The following CRYBG1 variants were observed in gnomAD, a reference collection of about 807,000 sequenced individuals.
The protein encoded by CRYBG1 is beta/gamma crystallin domain-containing protein 1.
A neutral mutation model predicts 189.2 loss-of-function variants in CRYBG1; 139 were observed. That is an observed-to-expected ratio of 0.73 (90% CI 0.64 to 0.85). The LOEUF (loss-of-function observed/expected upper bound fraction) is 0.85. Ranked by LOEUF, CRYBG1 falls within the 40% of genes least tolerant of loss-of-function variation. CRYBG1 has a pLI of 0.00. For missense variants in CRYBG1, 2,611 were observed against 2,675.8 expected, an observed-to-expected ratio of 0.98 and a Z score of 0.53; for synonymous variants, 1,023 against 1,017.1, an observed-to-expected ratio of 1.01 and a Z score of -0.11.
At chr6:106,550,034 A>G (rs1774360787) in intron 13 of CRYBG1, among the ~76,000 whole-genome samples, 1 of 152,192 alleles carries the variant, frequency 6.6e-6, no homozygotes, top group Non-Finnish European at 1.5e-5. Context: ...TCTGGCCAAT[A>G]GTCGATTGTG....
intron 1 of CRYBG1, among the ~76,000 whole-genome samples, chr6:106,404,580 G>C (rs1023506944): frequency 6.6e-6 from 1 of 152,052 alleles, no homozygotes; most frequent in African/African-American, 2.4e-5. Flanking sequence ...TTAGAAATGT[G>C]GGGGGCTGGC....
chr6:106,543,655 A>T, intron 11 of CRYBG1, 58 bp downstream of exon 11: 1 of 1,550,482 alleles, frequency 6.4e-7, no homozygotes, highest in Non-Finnish European at 8.8e-7. Context: ...TAAGTAATAA[A>T]TGTGCCCTTT....
chr6:106,559,093 G>T (rs1774634863), intron 18 of CRYBG1, among the ~76,000 whole-genome samples: 1 of 152,194 alleles, frequency 6.6e-6, no homozygotes, highest in South Asian at 2.1e-4. Flanking sequence ...ACTGGGAAAA[G>T]TCATATGTAA....
At chr6:106,493,725 A>G (rs555424027) in intron 2 of CRYBG1, among the ~76,000 whole-genome samples, 22 of 152,224 alleles carry the variant, frequency 1.4e-4, no homozygotes, top group African/African-American at 4.6e-4. Flanking sequence ...AAAACCAAAC[A>G]CCGCATGTTC....
intron 16 of CRYBG1, among the ~76,000 whole-genome samples, chr6:106,554,129 G>T (rs969819002): frequency 6.6e-6 from 1 of 152,188 alleles, no homozygotes; most frequent in African/African-American, 2.4e-5. Context: ...TTCATGGAGA[G>T]GGGAGAGCCC....
At chr6:106,485,169 C>A (rs772549007) in intron 2 of CRYBG1, among the ~76,000 whole-genome samples, 11 of 152,242 alleles carry the variant, frequency 7.2e-5, no homozygotes, top group Non-Finnish European at 1.5e-4. Flanking sequence ...TCTTCAATTT[C>A]TTTAATCAAA....
rs968595085 is a variant in CRYBG1 at position 106,495,536 on chromosome 6, G to T, written c.313-15894G>T. On this transcript the variant is annotated intron_variant, in intron 2 of 21. Transcript: ENST00000633556. Reference sequence around the variant, plus strand: ...TATTGTCTAGATCTGGTAGTTTTGGGGGGGCTCAAAAATCTGAAGCATTTG... The same window carrying T: ...TATTGTCTAGATCTGGTAGTTTTGGTGGGGCTCAAAAATCTGAAGCATTTG... 6.6e-5 allele frequency among the ~76,000 whole-genome samples: 10 copies of T among 150,622 alleles called. No individual in the cohort carries two copies. In the Admixed American group the frequency reaches 6.6e-4, roughly 10 times the overall value.
At chr6:106,379,130 T>G (rs574025146) in intron 1 of CRYBG1, among the ~76,000 whole-genome samples, 1 of 152,180 alleles carries the variant, frequency 6.6e-6, no homozygotes, top group East Asian at 1.9e-4. Flanking sequence ...GCCTGGGCGA[T>G]AGAGCCAGAC....
intron 2 of CRYBG1, among the ~76,000 whole-genome samples, chr6:106,471,989 T>C (rs1772242641): frequency 1.3e-5 from 2 of 152,188 alleles, no homozygotes; most frequent in African/African-American, 4.8e-5. Flanking sequence ...ACTTCACTGA[T>C]TGAGATATAT....
rs1347357567 is a variant in CRYBG1 at position 106,511,712 on chromosome 6, G to A, written c.595G>A (p.Glu199Lys). Residue 199 changes from glutamate (E) to lysine (K), a missense_variant, in exon 3 of 22, where the codon GAG becomes AAG. Physicochemically the swap from Glu to Lys is moderately conservative, Grantham distance 56. Coordinates refer to ENST00000633556, the MANE Select transcript of CRYBG1 (RefSeq NM_001371242.2). ...CCGAGAGGCAGAGGGCGAGCTCCCC[G>A]AGAGCGGTGGCCCCGCAGCCCCCCC... ...NPREAEGELP[E>K]SGGPAAPPDA... is the part of the protein sequence containing the mutation. The A allele has an allele frequency of 2.6e-6, 4 of 1,535,578 alleles. No homozygotes were observed. The highest frequency in any genetic ancestry group is 3.5e-6 in the Non-Finnish European group (4 of 1,146,654).
intron 3 of CRYBG1, among the ~76,000 whole-genome samples, chr6:106,516,692 G>A (rs1773430758): frequency 6.6e-6 from 1 of 152,190 alleles, no homozygotes; most frequent in Non-Finnish European, 1.5e-5. Flanking sequence ...AAGATGGAAA[G>A]AACCAGAGGA....
intron 17 of CRYBG1, among the ~76,000 whole-genome samples, chr6:106,558,239 TTCC>T (rs1260451874): frequency 3.4e-5 from 1 of 29,120 alleles, no homozygotes; most frequent in South Asian, 3.5e-3. Context: ...TCTTTTTTTT[TTCC>T]CCCTGTTTTA....
intron 1 of CRYBG1, among the ~76,000 whole-genome samples, chr6:106,447,166 T>C (rs1372940236): frequency 6.6e-6 from 1 of 152,206 alleles, no homozygotes; most frequent in Non-Finnish European, 1.5e-5. Flanking sequence ...TTTATGTTAT[T>C]TACCCAAGAG....
chr6:106,495,529 G>GT (rs1350029809), intron 2 of CRYBG1, among the ~76,000 whole-genome samples: 1 of 150,098 alleles, frequency 6.7e-6, no homozygotes. Flanking sequence ...AGATCTGGTA[G>GT]TTTTGGGGGG....
Position 106,489,778 on chromosome 6 carries a change from C to T in CRYBG1, c.313-21652C>T, listed in dbSNP as rs546859168. ...ACTGCACTCCAGCCTGGGTGACAGACTCTGTGTCCAAAAAAAAAAAAAAAA... is the reference window on the plus strand; with the variant it reads ...ACTGCACTCCAGCCTGGGTGACAGATTCTGTGTCCAAAAAAAAAAAAAAAA... On this transcript the variant is annotated intron_variant, in intron 2 of 21. Transcript: ENST00000633556. Among the ~76,000 whole-genome samples, 302 of 95,792 alleles carry T rather than the reference C, an allele frequency of 3.2e-3. 4 individuals carry two copies. Among genetic ancestry groups the T allele is most frequent in the African/African-American group, 0.015 (281 of 19,232 alleles). 62.8% of individuals were successfully genotyped at this position (95,792 alleles called of 152,430 possible). A position where few individuals can be genotyped will look rare whatever the true frequency, so the allele number is the denominator to read the frequency against.
In CRYBG1 at chr6:106,525,164, A is replaced by G. The variant is rs1453487239; in HGVS notation, c.4277A>G (p.Asn1426Ser). ...TLRGSVQNKLNPRPGKVVIYS... is the reference protein window; with the variant it reads ...TLRGSVQNKLSPRPGKVVIYS... The stretch of plus-strand genomic sequence containing the variant: ...AGAGGAAGTGTCCAAAATAAACTCA[A>G]TCCCCGACCTGGAAAGGTAAGATTA... Residue 1426 changes from asparagine (N) to serine (S), a missense_variant, in exon 5 of 22, where the codon AAT becomes AGT. By Grantham distance (46) the Asn-to-Ser change is conservative (BLOSUM62 1). Transcript: ENST00000633556. 2 of 1,614,128 alleles carry G rather than the reference A, an allele frequency of 1.2e-6. No homozygotes were observed. The highest frequency in any genetic ancestry group is 2.2e-5 in the South Asian group (2 of 91,082).
At chr6:106,489,442 C>G (rs1772665691) in intron 2 of CRYBG1, among the ~76,000 whole-genome samples, 1 of 151,974 alleles carries the variant, frequency 6.6e-6, no homozygotes, top group Non-Finnish European at 1.5e-5. Flanking sequence ...AGAAAAAAAT[C>G]AATTACTATT....
intron 13 of CRYBG1, among the ~76,000 whole-genome samples, 189 bp downstream of exon 13, chr6:106,545,122 A>G (rs559054627): frequency 1.2e-4 from 19 of 152,320 alleles, no homozygotes; most frequent in African/African-American, 3.8e-4. Flanking sequence ...TTCTCATACC[A>G]TCTCTTCTTT....
chr6:106,385,776 A>G (rs9399990), intron 1 of CRYBG1, among the ~76,000 whole-genome samples: 18,180 of 152,212 alleles, frequency 0.12, 1,205 homozygotes, highest in African/African-American at 0.16. Flanking sequence ...AGAGGAACAC[A>G]TGCCACCTTT....
Sources: gnomAD v4.1 joint callset for allele counts (sites outside exome capture counted in the v4.1 genomes callset) on GRCh38, gnomAD v4.1.1 for gene constraint, MANE v1.5 for transcripts, NCBI Gene and HGNC (gene_info 2026-07-23, HGNC 2026-07-21) for gene names.